The following AVL9 variants were observed in gnomAD, a reference collection of about 807,000 sequenced individuals.
The protein encoded by AVL9 is late secretory pathway protein AVL9 homolog.
A neutral mutation model predicts 79.2 loss-of-function variants in AVL9; 49 were observed. That is an observed-to-expected ratio of 0.62 (90% CI 0.49 to 0.79). The LOEUF is 0.79. Among genes scored for constraint, AVL9 ranks in the 30% least tolerant of loss-of-function variants. AVL9 has a pLI of 0.00. For missense variants in AVL9, 682 were observed against 776.8 expected (o/e 0.88, Z 1.45); for synonymous variants, 299 against 280.6 (o/e 1.07, Z -0.65).
At chr7:32,532,025 C>G (rs1429564040) in intron 1 of AVL9, 1 of 152,186 alleles carries the variant, frequency 6.6e-6, no homozygotes, top group Non-Finnish European at 1.5e-5. Context: ...TGTCCAGCGT[C>G]CAGGAAAAAT....
intron 3 of AVL9, among the ~76,000 whole-genome samples, chr7:32,545,200 T>C (rs1009283427): frequency 6.6e-6 from 1 of 151,924 alleles, no homozygotes; most frequent in African/African-American, 2.4e-5. Flanking sequence ...TTTGAACTCC[T>C]AGGCTCAAGG....
chr7:32,500,781 G>C (rs963300132), intron 1 of AVL9, among the ~76,000 whole-genome samples: 1 of 152,002 alleles, frequency 6.6e-6, no homozygotes, highest in Non-Finnish European at 1.5e-5. Flanking sequence ...GTTAATTTTT[G>C]TATAAGGTGT....
At position 32,583,859 on chromosome 7, in the gene AVL9, C is replaced by G. The variant is rs754925583; in HGVS notation, c.1899C>G (p.Thr633=). 6.2e-7 allele frequency: 1 copy of G among 1,614,092 alleles called. No individual in the cohort carries two copies. Among genetic ancestry groups the G allele is most frequent in the Non-Finnish European group, 8.5e-7 (1 of 1,180,004 alleles). The part of the protein sequence containing the change: ...TAMSSWLSTF[T]TSTSQSLTEP... ...TGTCTTCATGGCTTTCCACTTTCAC[C>G]ACTTCCACCTCCCAAAGTCTCACTG... is the stretch of plus-strand genomic sequence containing the variant. Residue 633 remains threonine, a synonymous_variant, in exon 16 of 16, where the codon ACC becomes ACG. Coordinates refer to ENST00000318709, the MANE Select transcript of AVL9 (RefSeq NM_015060.3).
intron 4 of AVL9, 104 bp from the exon 5 acceptor site, chr7:32,551,230 C>A: frequency 1.3e-6 from 1 of 741,470 alleles, no homozygotes; most frequent in Non-Finnish European, 2.3e-6. Flanking sequence ...CTTTTTTCTC[C>A]AAATTAAAAA....
intron 1 of AVL9, among the ~76,000 whole-genome samples, chr7:32,530,098 T>A (rs1045403331): frequency 5.3e-5 from 8 of 152,338 alleles, no homozygotes; most frequent in South Asian, 2.1e-4. Flanking sequence ...AGATTTTTTT[T>A]AATTATTGGA....
At chr7:32,512,846 C>T (rs190669612) in intron 1 of AVL9, among the ~76,000 whole-genome samples, 1 of 152,280 alleles carries the variant, frequency 6.6e-6, no homozygotes, top group East Asian at 1.9e-4. Flanking sequence ...CTAATATGGC[C>T]AATGAATATA....
At chr7:32,563,774 G>T (rs1790432877) in intron 10 of AVL9, among the ~76,000 whole-genome samples, 4 of 152,036 alleles carry the variant, frequency 2.6e-5, no homozygotes. Context: ...ACCCAGCTTT[G>T]CAAAAATGTA....
In AVL9 at chr7:32,554,539, T is replaced by A. The variant is rs764926724; in HGVS notation, c.571-19T>A. 3.6e-5 allele frequency: 51 copies of A among 1,421,784 alleles called. No individual in the cohort carries two copies. The South Asian group carries it at 5.3e-4, about 15-fold the overall frequency. 88.1% of individuals were successfully genotyped at this position (1,421,784 alleles called of 1,614,324 possible). On this transcript the variant is annotated intron_variant, in intron 7 of 15. Transcript: ENST00000318709. Reference sequence around the variant, plus strand: ...GTGAGTCTCTCATTTCAATACAACATTTTTTTTTCCTTTTGCAGGTCTTAA... The same window carrying A: ...GTGAGTCTCTCATTTCAATACAACAATTTTTTTTCCTTTTGCAGGTCTTAA...
chr7:32,511,321 A>G (rs1169804536), intron 1 of AVL9, among the ~76,000 whole-genome samples: 13 of 150,050 alleles, frequency 8.7e-5, no homozygotes, highest in African/African-American at 3.2e-4. Flanking sequence ...GTGAGCCGTC[A>G]GGTCTGCTTG....
At chr7:32,583,269 C>T (rs1465597111) in intron 15 of AVL9, among the ~76,000 whole-genome samples, 1 of 152,242 alleles carries the variant, frequency 6.6e-6, no homozygotes, top group Non-Finnish European at 1.5e-5. Context: ...TTTCAGAATG[C>T]TGAGGCAAGT....
chr7:32,545,608 G>A (rs1789458104), intron 3 of AVL9, among the ~76,000 whole-genome samples: 1 of 151,882 alleles, frequency 6.6e-6, no homozygotes, highest in Admixed American at 6.6e-5. Flanking sequence ...GAGCTCAAGT[G>A]ATCTGCCCAT....
At chr7:32,540,577 G>T (rs1363399647) in intron 1 of AVL9, among the ~76,000 whole-genome samples, 1 of 152,156 alleles carries the variant, frequency 6.6e-6, no homozygotes, top group African/African-American at 2.4e-5. Context: ...GATTGGCTGA[G>T]CTAAGCTTGG....
At chr7:32,552,129 A>G (rs1048459854) in intron 5 of AVL9, 100 bp from the exon 6 acceptor site, 13 of 736,084 alleles carry the variant, frequency 1.8e-5, no homozygotes, top group Non-Finnish European at 2.8e-5. Context: ...AGCAGAACAA[A>G]CTACCTCAAT....
chr7:32,521,479 T>C (rs187285314), intron 1 of AVL9, among the ~76,000 whole-genome samples: 13 of 152,262 alleles, frequency 8.5e-5, no homozygotes, highest in South Asian at 2.1e-4. Flanking sequence ...GCCCTAGACA[T>C]TTGTGGAACT....
intron 10 of AVL9, chr7:32,562,692 G>T: frequency 3.6e-6 from 3 of 832,458 alleles, no homozygotes; most frequent in Non-Finnish European, 4.3e-6. Flanking sequence ...GGCCGAGGTG[G>T]GGAGGATTGC....
chr7:32,519,343 G>A (rs796952734), intron 1 of AVL9, among the ~76,000 whole-genome samples: 17 of 151,788 alleles, frequency 1.1e-4, no homozygotes, highest in African/African-American at 2.7e-4. Flanking sequence ...CAGGAGAATC[G>A]CTTGAACCTA....
At chr7:32,503,367 TATATATACACACAC>T (rs1787250001) in intron 1 of AVL9, among the ~76,000 whole-genome samples, 1 of 88,300 alleles carries the variant, frequency 1.1e-5, no homozygotes, top group Non-Finnish European at 2.2e-5. Flanking sequence ...GAGAGATATA[TATATATACACACAC>T]ACACACACAC....
Position 32,580,597 on chromosome 7 carries a change from T to G in AVL9, c.1743-205T>G, listed in dbSNP as rs561688742. Among the ~76,000 whole-genome samples, 5 of 152,346 alleles carry G rather than the reference T, an allele frequency of 3.3e-5. 1 individual carries two copies. The South Asian group carries it at 1.0e-3, about 32-fold the overall frequency. On this transcript the variant is annotated intron_variant, in intron 14 of 15. Coordinates refer to ENST00000318709, the MANE Select transcript of AVL9 (RefSeq NM_015060.3). ...CACTTTTTGGTTCATCTGTATGTTC[T>G]TCTCGTGTATTCTGAAAATGCACAT...
At chr7:32,515,911 G>C (rs376035487) in intron 1 of AVL9, among the ~76,000 whole-genome samples, 22 of 152,112 alleles carry the variant, frequency 1.4e-4, no homozygotes, top group African/African-American at 5.3e-4. Flanking sequence ...ATTTCTGGTT[G>C]CTTCCTGTCT....
Sources: gnomAD v4.1 joint callset for allele counts (sites outside exome capture counted in the v4.1 genomes callset) on GRCh38, gnomAD v4.1.1 for gene constraint, MANE v1.5 for transcripts, NCBI Gene and HGNC (gene_info 2026-07-23, HGNC 2026-07-21) for gene names.